Variants in FAM135B observed in about 807,000 individuals in gnomAD.
FAM135B encodes family with sequence similarity 135 member B.
In FAM135B, 43 loss-of-function variants were observed where a neutral mutation model predicts 127.7. The observed-to-expected ratio is 0.34, with a 90% CI of 0.26 to 0.43. FAM135B has a LOEUF of 0.43. Ranked by LOEUF, FAM135B falls within the 20% of genes least tolerant of loss-of-function variation. The probability of loss-of-function intolerance (pLI) is 1.00; values close to 1 mark genes in which losing one functional copy is unlikely to be tolerated. For missense variants in FAM135B, 1,558 were observed against 1,725.6 expected, an observed-to-expected ratio of 0.90 and a Z score of 1.72; for synonymous variants, 670 against 665.1, an observed-to-expected ratio of 1.01 and a Z score of -0.11.
intron 2 of FAM135B, among the ~76,000 whole-genome samples, chr8:138,345,463 A>C (rs1829346749): frequency 6.6e-6 from 1 of 152,198 alleles, no homozygotes; most frequent in Non-Finnish European, 1.5e-5. Flanking sequence ...GAGTCTATGT[A>C]ACTCCGGGTA....
chr8:138,186,420 C>T (rs1433444135), intron 9 of FAM135B, among the ~76,000 whole-genome samples: 1 of 152,138 alleles, frequency 6.6e-6, no homozygotes, highest in East Asian at 1.9e-4. Flanking sequence ...CTTTAAATCG[C>T]CCAAAACACC....
chr8:138,285,637 C>T (rs537767164), intron 3 of FAM135B, among the ~76,000 whole-genome samples: 38 of 152,278 alleles, frequency 2.5e-4, no homozygotes, highest in South Asian at 6.2e-4. Flanking sequence ...CATGAAAATA[C>T]GGGTCAGCCA....
chr8:138,135,257 G>A (rs975012463), intron 19 of FAM135B, among the ~76,000 whole-genome samples: 5 of 152,128 alleles, frequency 3.3e-5, no homozygotes, highest in African/African-American at 1.2e-4. Context: ...CTATGTCAGG[G>A]AGACAAGAAA....
intron 2 of FAM135B, among the ~76,000 whole-genome samples, chr8:138,324,703 G>A (rs1418038517): frequency 6.6e-6 from 1 of 152,220 alleles, no homozygotes; most frequent in South Asian, 2.1e-4. Flanking sequence ...AACAAGGTAA[G>A]ATTGAGAGAA....
intron 3 of FAM135B, among the ~76,000 whole-genome samples, chr8:138,285,556 A>C (rs1463175087): frequency 6.6e-6 from 1 of 152,170 alleles, no homozygotes; most frequent in Non-Finnish European, 1.5e-5. Flanking sequence ...ATCAACAAAA[A>C]ATCTAGCACA....
chr8:138,143,195 C>G, intron 15 of FAM135B, 86 bp from the exon 16 acceptor site: 1 of 735,618 alleles, frequency 1.4e-6, no homozygotes, highest in Admixed American at 1.9e-5. Context: ...CCACTAAACA[C>G]TGTGGCGCCT....
At chr8:138,389,802 A>G (rs1430314162) in intron 1 of FAM135B, among the ~76,000 whole-genome samples, 1 of 152,190 alleles carries the variant, frequency 6.6e-6, no homozygotes, top group Non-Finnish European at 1.5e-5. Context: ...AAATGGATCC[A>G]ATTGTGTTTG....
At chr8:138,221,587 C>T (rs1442590778) in intron 7 of FAM135B, among the ~76,000 whole-genome samples, 4 of 152,012 alleles carry the variant, frequency 2.6e-5, no homozygotes, top group Non-Finnish European at 5.9e-5. Flanking sequence ...ATAGGAGAGC[C>T]AAGGAAACAA....
chr8:138,410,168 T>C (rs887612130), intron 1 of FAM135B, among the ~76,000 whole-genome samples: 2 of 152,184 alleles, frequency 1.3e-5, no homozygotes, highest in Non-Finnish European at 2.9e-5. Context: ...GCTTACATAT[T>C]ACCAGGAAGG....
chr8:138,217,674 G>A (rs755966350), intron 7 of FAM135B, among the ~76,000 whole-genome samples: 9 of 151,918 alleles, frequency 5.9e-5, no homozygotes, highest in African/African-American at 1.9e-4. Flanking sequence ...CTTGTGATCC[G>A]CTCGCCTCAG....
intron 2 of FAM135B, among the ~76,000 whole-genome samples, chr8:138,360,371 G>T (rs937761628): frequency 6.6e-6 from 1 of 152,120 alleles, no homozygotes; most frequent in Non-Finnish European, 1.5e-5. Flanking sequence ...TATTTCCTTG[G>T]GGGAAAAGTA....
At chr8:138,154,902 C>T (rs896321754) in intron 12 of FAM135B, among the ~76,000 whole-genome samples, 3 of 152,198 alleles carry the variant, frequency 2.0e-5, no homozygotes, top group African/African-American at 4.8e-5. Flanking sequence ...CTTCCCCAAC[C>T]TAACAAGGCA....
chr8:138,486,486 T>G (rs1363695824), intron 1 of FAM135B, among the ~76,000 whole-genome samples: 4 of 152,180 alleles, frequency 2.6e-5, no homozygotes, highest in Non-Finnish European at 5.9e-5. Flanking sequence ...ATTTTTTGGC[T>G]GCTAGCAGCC....
At chr8:138,456,667 T>G (rs888790585) in intron 1 of FAM135B, among the ~76,000 whole-genome samples, 9 of 152,144 alleles carry the variant, frequency 5.9e-5, no homozygotes, top group Non-Finnish European at 1.3e-4. Flanking sequence ...ATTTTAAAGT[T>G]TTCCTAGGAA....
intron 4 of FAM135B, 37 bp downstream of exon 4, chr8:138,265,666 A>C (rs2130627122): frequency 6.2e-7 from 1 of 1,611,420 alleles, no homozygotes; most frequent in Admixed American, 1.7e-5. Context: ...ATGATAGGGA[A>C]CAGCTACTTG....
intron 11 of FAM135B, among the ~76,000 whole-genome samples, chr8:138,176,999 T>A (rs920822215): frequency 2.0e-5 from 3 of 152,168 alleles, no homozygotes; most frequent in South Asian, 2.1e-4. Context: ...CTAAGGCAAA[T>A]TCTGTGTTTT....
chr8:138,221,669 T>C (rs945952431), intron 7 of FAM135B, among the ~76,000 whole-genome samples: 3 of 152,166 alleles, frequency 2.0e-5, no homozygotes, highest in African/African-American at 7.2e-5. Context: ...TCATGGAATA[T>C]TGAGGAGAAA....
intron 3 of FAM135B, among the ~76,000 whole-genome samples, chr8:138,288,411 A>C (rs1824859747): frequency 6.6e-6 from 1 of 152,194 alleles, no homozygotes; most frequent in Admixed American, 6.5e-5. Context: ...CTGTGAGGGA[A>C]GTGTGCAGGG....
chr8:138,152,887 G>A lies in FAM135B; in HGVS notation c.1588C>T (p.Pro530Ser), dbSNP rs777248502. Residue 530 changes from proline to serine, a missense_variant, in exon 13 of 20, where the codon CCA (proline) becomes TCA (serine). Physicochemically the swap from Pro to Ser is moderately conservative, Grantham distance 74 (BLOSUM62 -1). This residue lies in a region of FAM135B where 923 missense variants were observed against 865.3 expected (regional missense o/e 1.07). Coordinates refer to ENST00000395297, the MANE Select transcript of FAM135B (RefSeq NM_015912.4). ...CTAGAAGTATCCACATCTGCCACTGGATATGTCCCAGCATCAGATGTTTGG... is the reference window on the plus strand; with the variant it reads ...CTAGAAGTATCCACATCTGCCACTGAATATGTCCCAGCATCAGATGTTTGG... ...TGQTSDAGTYPVADVDTSRRS... is the reference protein window; with the variant it reads ...TGQTSDAGTYSVADVDTSRRS... The A allele has an allele frequency of 3.1e-6, 5 of 1,614,072 alleles. No individual in the cohort carries two copies. Among genetic ancestry groups the A allele is most frequent in the Non-Finnish European group, 3.4e-6 (4 of 1,180,046 alleles).
Sources: allele counts gnomAD v4.1 joint callset (sites outside exome capture counted in the v4.1 genomes callset), GRCh38; gene constraint gnomAD v4.1.1; regional missense constraint gnomAD v4.1.1; transcripts MANE v1.5; gene names NCBI Gene and HGNC (gene_info 2026-07-23, HGNC 2026-07-21).